Variants in ASAP2 observed in about 807,000 individuals in gnomAD.
ASAP2 encodes ArfGAP with SH3 domain, ankyrin repeat and PH domain 2.
Under a neutral mutation model 131.4 loss-of-function variants are expected in ASAP2, and 45 were observed. The ratio of observed to expected loss-of-function variants is 0.34; its 90% CI spans 0.27 to 0.44. The LOEUF (loss-of-function observed/expected upper bound fraction) is 0.44. Ranked by LOEUF, ASAP2 falls within the 20% of genes least tolerant of loss-of-function variation. The probability of loss-of-function intolerance (pLI) is 1.00; values close to 1 mark genes in which losing one functional copy is unlikely to be tolerated. For synonymous variants in ASAP2, 510 were observed against 503.0 expected (o/e 1.01, Z -0.19); for missense variants, 1,011 against 1,297.0 (o/e 0.78, Z 3.39).
chr2:9,367,628 G>C (rs534974154), intron 15 of ASAP2, among the ~76,000 whole-genome samples: 3 of 152,148 alleles, frequency 2.0e-5, no homozygotes, highest in South Asian at 4.1e-4. Context: ...GGGCGTGGTG[G>C]CGTGTGCCTA....
chr2:9,294,997 C>T (rs1015711333), intron 2 of ASAP2, among the ~76,000 whole-genome samples: 9 of 152,156 alleles, frequency 5.9e-5, no homozygotes, highest in African/African-American at 1.9e-4. Context: ...CTAAACTGCC[C>T]ATGTCTTGAC....
At chr2:9,401,679 A>T (rs1676684429) in intron 27 of ASAP2, among the ~76,000 whole-genome samples, 1 of 152,250 alleles carries the variant, frequency 6.6e-6, no homozygotes, top group South Asian at 2.1e-4. Context: ...TGAGGTCTTG[A>T]GTTTCTAGGT....
intron 1 of ASAP2, among the ~76,000 whole-genome samples, chr2:9,211,728 TC>T (rs2147933575): frequency 6.6e-6 from 1 of 152,240 alleles, no homozygotes; most frequent in South Asian, 2.1e-4. Context: ...GGCCCTGCCG[TC>T]CATGGGACCA....
At chr2:9,256,363 G>A (rs1426218151) in intron 1 of ASAP2, among the ~76,000 whole-genome samples, 2 of 151,956 alleles carry the variant, frequency 1.3e-5, no homozygotes, top group Non-Finnish European at 2.9e-5. Flanking sequence ...TAAATGTCAG[G>A]CAAAGCGGCA....
At chr2:9,215,824 G>T (rs564810668) in intron 1 of ASAP2, among the ~76,000 whole-genome samples, 36 of 152,210 alleles carry the variant, frequency 2.4e-4, no homozygotes, top group Admixed American at 2.2e-3. Flanking sequence ...ATTATGAGGC[G>T]CTAAAGGTGT....
chr2:9,274,444 T>C (rs1666618541), intron 1 of ASAP2, among the ~76,000 whole-genome samples: 1 of 149,370 alleles, frequency 6.7e-6, no homozygotes, highest in South Asian at 2.1e-4. Context: ...TGCCTCAGCC[T>C]CCTGAGTAGC....
At position 9,232,261 on chromosome 2, in the gene ASAP2, C is replaced by T. The variant is rs566267565; in HGVS notation, c.126+25031C>T. 2.0e-5 allele frequency among the ~76,000 whole-genome samples: 3 copies of T among 151,942 alleles called. No homozygotes were observed. The East Asian group carries it at 5.8e-4, about 30-fold the overall frequency. ...TGTGTCAACACGCCTCACTGCCCTGCGCCCGATCCTTTTACACAGGTGGTC... is the reference window on the plus strand; with the variant it reads ...TGTGTCAACACGCCTCACTGCCCTGTGCCCGATCCTTTTACACAGGTGGTC... On this transcript the variant is annotated intron_variant, in intron 1 of 27. Transcript: ENST00000281419. The surrounding 1 kb of genome is among the most constrained non-coding windows in gnomAD (Gnocchi z 4.1).
chr2:9,231,053 A>T (rs1336438606), intron 1 of ASAP2, among the ~76,000 whole-genome samples: 1 of 152,112 alleles, frequency 6.6e-6, no homozygotes, highest in Non-Finnish European at 1.5e-5. Flanking sequence ...TTGCGGTTCT[A>T]TGTCGGTCAC....
chr2:9,399,480 C>T (rs1419337674), intron 24 of ASAP2: 1 of 154,076 alleles, frequency 6.5e-6, no homozygotes, highest in African/African-American at 2.4e-5. Flanking sequence ...CTGAGAACTA[C>T]TTCCTCACTC....
chr2:9,229,631 G>A (rs1663014537), intron 1 of ASAP2, among the ~76,000 whole-genome samples: 1 of 152,238 alleles, frequency 6.6e-6, no homozygotes, highest in Non-Finnish European at 1.5e-5. Context: ...GGACATGCAG[G>A]TGTTAGGGAG....
rs1273469416 is a variant in ASAP2 at position 9,356,164 on chromosome 2, C to G, written c.1161-15C>G. On this transcript the variant is annotated splice_polypyrimidine_tract_variant and intron_variant, in intron 13 of 27. Transcript: ENST00000281419. ...GTTTGTGGAATTTAACACAGCGTTG[C>G]TCTTGTTTTTCTAGATGGATGTCTG... 10 of 1,614,050 alleles carry G rather than the reference C, an allele frequency of 6.2e-6. No homozygotes were observed. The highest frequency in any genetic ancestry group is 8.5e-6 in the Non-Finnish European group (10 of 1,179,932).
chr2:9,304,108 C>G (rs1007545028), intron 3 of ASAP2, among the ~76,000 whole-genome samples: 1 of 152,160 alleles, frequency 6.6e-6, no homozygotes, highest in African/African-American at 2.4e-5. Context: ...AGTGACTCCC[C>G]GCCCTGAGCC....
At chr2:9,317,425 CCTA>C (rs1361913436) in intron 3 of ASAP2, among the ~76,000 whole-genome samples, 2 of 88,160 alleles carry the variant, frequency 2.3e-5, no homozygotes, top group African/African-American at 4.6e-5. Context: ...CCCTCACACA[CCTA>C]CACATACTCA....
At chr2:9,214,192 C>T (rs149648361) in intron 1 of ASAP2, among the ~76,000 whole-genome samples, 1 of 152,292 alleles carries the variant, frequency 6.6e-6, no homozygotes, top group East Asian at 1.9e-4. Flanking sequence ...ATGTGGCCTC[C>T]AAGTGGATTG....
chr2:9,224,178 A>T lies in ASAP2; in HGVS notation c.126+16948A>T, dbSNP rs148206004. Among the ~76,000 whole-genome samples, 565 of 152,170 alleles carry T rather than the reference A, an allele frequency of 3.7e-3. 6 individuals are homozygous for T. The highest frequency in any genetic ancestry group is 0.013 in the African/African-American group (542 of 41,510). On this transcript the variant is annotated intron_variant, in intron 1 of 27. Transcript: ENST00000281419. ...CAACCATTGCTGAGCAGTGCGAGGG[A>T]AGGGAGGATTGCCTAGTGAGTGACT...
intron 2 of ASAP2, among the ~76,000 whole-genome samples, chr2:9,291,194 T>A (rs543991072): frequency 6.6e-6 from 1 of 152,296 alleles, no homozygotes; most frequent in African/African-American, 2.4e-5. Flanking sequence ...TTTATAAATG[T>A]TCTGTACACA....
At chr2:9,325,410 G>A (rs1005673474) in intron 6 of ASAP2, among the ~76,000 whole-genome samples, 2 of 152,164 alleles carry the variant, frequency 1.3e-5, no homozygotes, top group Admixed American at 6.5e-5. Context: ...TACTGTAGTA[G>A]CATTTTACAA....
chr2:9,400,215 C>T (rs1313793301), intron 25 of ASAP2, 143 bp downstream of exon 25: 4 of 712,108 alleles, frequency 5.6e-6, no homozygotes, highest in Non-Finnish European at 6.6e-6. Flanking sequence ...CCCCTCCTGC[C>T]CCCTCCCCTC....
chr2:9,368,500 C>T lies in ASAP2; in HGVS notation c.1537C>T (p.Pro513Ser). Residue 513 changes from proline to serine, a missense_variant, in exon 16 of 28, where the codon CCC (proline) becomes TCC (serine). By Grantham distance (74) the Pro-to-Ser change is moderately conservative. Around this residue, in one of 2 missense-constraint regions of ASAP2, gnomAD observed 652 missense variants for 698.9 expected, o/e 0.93. Coordinates refer to ENST00000281419, the MANE Select transcript of ASAP2 (RefSeq NM_003887.3). Reference sequence around the variant, plus strand: ...CCTACCAGCTGAGGACTCAGTCAAACCCAACCCAGGCAGCGACATGTAAGT... The same window carrying T: ...CCTACCAGCTGAGGACTCAGTCAAATCCAACCCAGGCAGCGACATGTAAGT... ...CCLPAEDSVK[P>S]NPGSDMNARK... 2 of 1,614,062 alleles carry T rather than the reference C, an allele frequency of 1.2e-6. No homozygotes were observed. Among genetic ancestry groups the T allele is most frequent in the Non-Finnish European group, 1.7e-6 (2 of 1,179,974 alleles).
Sources: gnomAD v4.1 joint callset for allele counts (sites outside exome capture counted in the v4.1 genomes callset) on GRCh38, gnomAD v4.1.1 for gene constraint, gnomAD v4.1.1 regional missense constraint, Gnocchi (gnomAD v3.1) non-coding constraint, MANE v1.5 for transcripts, NCBI Gene and HGNC (gene_info 2026-07-23, HGNC 2026-07-21) for gene names.